SORCS1: variants seen among roughly 807,000 people sequenced by gnomAD.
SORCS1 encodes the protein VPS10 domain-containing receptor SorCS1.
SORCS1 carries 60 observed loss-of-function variants against 146.1 expected under a neutral mutation model. The observed-to-expected ratio is 0.41, with a 90% CI of 0.33 to 0.51. The LOEUF (loss-of-function observed/expected upper bound fraction) is 0.51, where lower values mean the gene tolerates loss of function less well. Among genes scored for constraint, SORCS1 ranks in the 20% least tolerant of loss-of-function variants. The probability of loss-of-function intolerance (pLI) is 0.21; values close to 1 mark genes in which losing one functional copy is unlikely to be tolerated. For synonymous variants in SORCS1, 637 were observed against 584.0 expected (o/e 1.09, Z -1.31); for missense variants, 1,352 against 1,487.6 (o/e 0.91, Z 1.50).
chr10:106,741,542 G>C (rs1051923923), intron 5 of SORCS1, among the ~76,000 whole-genome samples: 4 of 152,122 alleles, frequency 2.6e-5, no homozygotes, highest in Non-Finnish European at 5.9e-5. Flanking sequence ...AGTTTGCAGT[G>C]AGCCAAGATT....
intron 8 of SORCS1, 70 bp downstream of exon 8, chr10:106,706,475 G>GA: frequency 1.4e-6 from 2 of 1,451,638 alleles, no homozygotes; most frequent in South Asian, 2.3e-5. Context: ...GAGTCCTTGG[G>GA]AAAGGGATGG....
chr10:106,879,067 G>A (rs540935069), intron 2 of SORCS1, among the ~76,000 whole-genome samples: 22 of 151,484 alleles, frequency 1.5e-4, no homozygotes, highest in African/African-American at 5.3e-4. Context: ...GGAGAATGGC[G>A]TGAACCCGGG....
At chr10:107,120,833 T>G (rs1352220964) in intron 1 of SORCS1, among the ~76,000 whole-genome samples, 1 of 152,042 alleles carries the variant, frequency 6.6e-6, no homozygotes, top group Non-Finnish European at 1.5e-5. Flanking sequence ...TGTAACATGC[T>G]CCTCATAGGG....
At chr10:106,944,444 C>T (rs150286997) in intron 2 of SORCS1, among the ~76,000 whole-genome samples, 1 of 152,260 alleles carries the variant, frequency 6.6e-6, no homozygotes, top group East Asian at 1.9e-4. Flanking sequence ...GGATTCAGTT[C>T]AGGTCTCTTC....
chr10:106,829,761 G>T, intron 2 of SORCS1, 88 bp from the exon 3 acceptor site: 1 of 915,704 alleles, frequency 1.1e-6, no homozygotes, highest in Non-Finnish European at 1.7e-6. Flanking sequence ...ACAGTAGAAT[G>T]GCTCTCAGGA....
intron 5 of SORCS1, among the ~76,000 whole-genome samples, chr10:106,748,996 A>G (rs1350322624): frequency 6.6e-6 from 1 of 152,198 alleles, no homozygotes; most frequent in African/African-American, 2.4e-5. Flanking sequence ...GTTATGGAGG[A>G]ACAGAAATGC....
intron 2 of SORCS1, among the ~76,000 whole-genome samples, chr10:106,881,713 G>A (rs569643134): frequency 4.5e-4 from 69 of 152,358 alleles, no homozygotes; most frequent in Admixed American, 4.5e-3. Flanking sequence ...CAAGAGCTAA[G>A]AAGATTCAAA....
rs189167633 is a variant in SORCS1, at chr10:106,706,840, T to A, written c.1144-206A>T. ...GGTCAGCGGCCCAAACTGAACCTAC[T>A]GGACAAAAATACAATTCTTAAGTTT... On this transcript the variant is annotated intron_variant, in intron 7 of 25. Coordinates refer to ENST00000263054, the MANE Select transcript of SORCS1 (RefSeq NM_052918.5). Among the ~76,000 whole-genome samples the A allele has an allele frequency of 5.7e-4, 87 of 152,334 alleles. No individual in the cohort carries two copies. In the East Asian group the frequency reaches 0.014, roughly 25 times the overall value.
intron 18 of SORCS1, among the ~76,000 whole-genome samples, chr10:106,634,899 A>C (rs1360766699): frequency 6.6e-6 from 1 of 152,220 alleles, no homozygotes; most frequent in East Asian, 1.9e-4. Flanking sequence ...GCTGGCAAAC[A>C]TCTAGACTAT....
At chr10:106,763,271 G>T (rs767265125) in intron 4 of SORCS1, among the ~76,000 whole-genome samples, 6 of 152,070 alleles carry the variant, frequency 3.9e-5, no homozygotes, top group Non-Finnish European at 7.4e-5. Context: ...ATTCATCTCT[G>T]TGAGGAATTG....
At chr10:106,865,620 G>A (rs1383639107) in intron 2 of SORCS1, among the ~76,000 whole-genome samples, 1 of 151,962 alleles carries the variant, frequency 6.6e-6, no homozygotes, top group Non-Finnish European at 1.5e-5. Flanking sequence ...AGCTACTCAG[G>A]AGACTGAGGC....
chr10:106,718,571 G>T (rs191290493), intron 6 of SORCS1, among the ~76,000 whole-genome samples: 1 of 152,338 alleles, frequency 6.6e-6, no homozygotes, highest in African/African-American at 2.4e-5. Flanking sequence ...GTGAGCAGCA[G>T]CAAGATTTAT....
At chr10:107,018,002 A>AT (rs1468787623) in intron 1 of SORCS1, among the ~76,000 whole-genome samples, 1 of 152,056 alleles carries the variant, frequency 6.6e-6, no homozygotes, top group Non-Finnish European at 1.5e-5. Context: ...GAAGCAGCTC[A>AT]TAAGACTCTC....
At chr10:106,858,346 G>A (rs983817014) in intron 2 of SORCS1, among the ~76,000 whole-genome samples, 2 of 151,288 alleles carry the variant, frequency 1.3e-5, no homozygotes, top group Admixed American at 6.6e-5. Context: ...TTGGCTGGGC[G>A]CAGTGGCTCA....
intron 1 of SORCS1, among the ~76,000 whole-genome samples, chr10:107,002,136 T>A (rs574135184): frequency 6.6e-6 from 1 of 152,254 alleles, no homozygotes; most frequent in South Asian, 2.1e-4. Flanking sequence ...AATCATCCTA[T>A]CTCATTATTA....
At chr10:106,641,408 G>A (rs1849061648) in intron 18 of SORCS1, among the ~76,000 whole-genome samples, 1 of 152,084 alleles carries the variant, frequency 6.6e-6, no homozygotes, top group Non-Finnish European at 1.5e-5. Flanking sequence ...ATTATTTTCT[G>A]TCAATAAGAA....
chr10:106,869,726 G>A (rs929849519), intron 2 of SORCS1, among the ~76,000 whole-genome samples: 1 of 152,124 alleles, frequency 6.6e-6, no homozygotes, highest in Admixed American at 6.5e-5. Flanking sequence ...AAAACCCACA[G>A]CCAACATCAT....
At chr10:106,865,971 T>A (rs1171069840) in intron 2 of SORCS1, among the ~76,000 whole-genome samples, 1 of 150,258 alleles carries the variant, frequency 6.7e-6, no homozygotes, top group Non-Finnish European at 1.5e-5. Flanking sequence ...AGGCGGAAGT[T>A]GCAGTGAGCT....
chr10:106,727,223 C>T (rs1280022100), intron 6 of SORCS1, among the ~76,000 whole-genome samples: 2 of 152,174 alleles, frequency 1.3e-5, no homozygotes, highest in African/African-American at 4.8e-5. Context: ...TTCAGACAAC[C>T]TGGTAAGTGA....
Sources: allele counts gnomAD v4.1 joint callset (sites outside exome capture counted in the v4.1 genomes callset), GRCh38; gene constraint gnomAD v4.1.1; transcripts MANE v1.5; gene names NCBI Gene and HGNC (gene_info 2026-07-23, HGNC 2026-07-21).